Variants in CEMIP observed in about 807,000 individuals in gnomAD.
CEMIP encodes the protein cell migration-inducing and hyaluronan-binding protein.
CEMIP carries 105 observed loss-of-function variants against 156.9 expected under a neutral mutation model. That is an observed-to-expected ratio of 0.67 (90% CI 0.57 to 0.79). CEMIP has a LOEUF of 0.79. Among genes scored for constraint, CEMIP ranks in the 30% least tolerant of loss-of-function variants. The probability of loss-of-function intolerance (pLI) is 0.00; values close to 1 mark genes in which losing one functional copy is unlikely to be tolerated. For missense variants in CEMIP, 1,457 were observed against 1,769.4 expected, an observed-to-expected ratio of 0.82 and a Z score of 3.17; for synonymous variants, 676 against 668.4, an observed-to-expected ratio of 1.01 and a Z score of -0.17.
chr15:80,932,597 A>G lies in CEMIP; in HGVS notation c.2793+558A>G, dbSNP rs934973940. ...TCCTCCTGTGCATTTCCTTCAGGTT[A>G]TGGATTCCCAGACTTTTCCCTCCTT... On this transcript the variant is annotated intron_variant, in intron 22 of 29. Coordinates refer to ENST00000394685, the MANE Select transcript of CEMIP (RefSeq NM_001293298.2). The surrounding 1 kb of genome is among the most constrained non-coding windows in gnomAD (Gnocchi z 4.5). Among the ~76,000 whole-genome samples, 1 of 152,128 alleles carries G rather than the reference A, an allele frequency of 6.6e-6. No homozygotes were observed.
intron 1 of CEMIP, among the ~76,000 whole-genome samples, chr15:80,818,375 A>C (rs761727011): frequency 5.3e-5 from 8 of 152,244 alleles, no homozygotes; most frequent in Non-Finnish European, 7.3e-5. Context: ...ACATGGCCAT[A>C]GTCTCACTTG....
At chr15:80,793,382 A>T (rs1896132194) in intron 1 of CEMIP, among the ~76,000 whole-genome samples, 1 of 152,160 alleles carries the variant, frequency 6.6e-6, no homozygotes, top group Non-Finnish European at 1.5e-5. Flanking sequence ...TATCAACACG[A>T]GGTTAAGTCT....
chr15:80,882,727 G>C (rs1270457186), intron 6 of CEMIP, among the ~76,000 whole-genome samples: 1 of 151,524 alleles, frequency 6.6e-6, no homozygotes. Flanking sequence ...GAATGTGTAT[G>C]AGTAAAGATA....
intron 12 of CEMIP, chr15:80,897,142 T>C (rs1899259305): frequency 5.6e-6 from 2 of 355,984 alleles, no homozygotes; most frequent in Middle Eastern, 4.2e-4. Flanking sequence ...AATCAGAACT[T>C]AAGAGGTGTT....
chr15:80,912,370 C>A (rs992289078), intron 14 of CEMIP, among the ~76,000 whole-genome samples: 1 of 152,158 alleles, frequency 6.6e-6, no homozygotes, highest in Non-Finnish European at 1.5e-5. Context: ...GGTCTCCCTC[C>A]GGCCTGGGTC....
rs766706208 is a variant in CEMIP at position 80,895,002 on chromosome 15, G to A, written c.1099G>A (p.Asp367Asn). Residue 367 changes from aspartate to asparagine, a missense_variant, in exon 11 of 30, where the codon GAT becomes AAT. Around this residue, in one of 5 missense-constraint regions of CEMIP, gnomAD observed 280 missense variants for 300.3 expected, o/e 0.93. Coordinates refer to ENST00000394685, the MANE Select transcript of CEMIP (RefSeq NM_001293298.2). ...GTGTCATTCCCAGGCCACTACAATG[G>A]ATGGAGTTAACCTCAGCACCGAGGT... ...RPIDIQATTM[D>N]GVNLSTEVVY... The A allele has an allele frequency of 2.4e-5, 39 of 1,614,142 alleles. 1 individual carries two copies. The South Asian group carries it at 4.2e-4, about 17-fold the overall frequency.
chr15:80,780,991 G>A (rs1444349384), intron 1 of CEMIP, among the ~76,000 whole-genome samples: 1 of 152,182 alleles, frequency 6.6e-6, no homozygotes, highest in Non-Finnish European at 1.5e-5. Context: ...AGCTGAGCCG[G>A]CAGTTCTGCA....
At chr15:80,856,418 A>G (rs569554942) in intron 1 of CEMIP, among the ~76,000 whole-genome samples, 160 of 152,352 alleles carry the variant, frequency 1.1e-3, no homozygotes, top group Middle Eastern at 6.8e-3. Flanking sequence ...GGATAGATGG[A>G]TGTGCAATAA....
At chr15:80,814,004 C>A (rs1005873375) in intron 1 of CEMIP, among the ~76,000 whole-genome samples, 5 of 150,166 alleles carry the variant, frequency 3.3e-5, no homozygotes, top group Admixed American at 1.3e-4. Context: ...CTGAGACACC[C>A]TCTCCCATCC....
intron 10 of CEMIP, among the ~76,000 whole-genome samples, chr15:80,892,932 A>G (rs991563861): frequency 6.6e-5 from 10 of 152,254 alleles, no homozygotes; most frequent in Non-Finnish European, 1.5e-4. Flanking sequence ...CACGCCGGTA[A>G]TCCCAGCACT....
rs927077720 is a variant in CEMIP at position 80,828,685 on chromosome 15, G to A, written c.-175-44853G>A. On this transcript the variant is annotated intron_variant, in intron 1 of 29. Coordinates refer to ENST00000394685, the MANE Select transcript of CEMIP (RefSeq NM_001293298.2). ...ACATGGAGTTTTCTAAAAGCAGGGC[G>A]TAGTGGAATTGAATCTTCTAAGAAA... is the stretch of plus-strand genomic sequence containing the variant. Among the ~76,000 whole-genome samples, 4 of 152,304 alleles carry A rather than the reference G, an allele frequency of 2.6e-5. No individual in the cohort carries two copies. In the South Asian group the frequency reaches 6.2e-4, roughly 24 times the overall value.
In CEMIP at chr15:80,809,338, G is replaced by T. The variant is rs527886354; in HGVS notation, c.-176+29724G>T. On this transcript the variant is annotated intron_variant, in intron 1 of 29. Transcript: ENST00000394685. Reference sequence around the variant, plus strand: ...CGTAGCTATTTAAAATCTTGCAAAAGAATGTTTATTTATATGGGAAAATGT... The same window carrying T: ...CGTAGCTATTTAAAATCTTGCAAAATAATGTTTATTTATATGGGAAAATGT... Among the ~76,000 whole-genome samples the T allele has an allele frequency of 2.0e-5, 3 of 152,318 alleles. No individual in the cohort carries two copies. The East Asian group carries it at 5.8e-4, about 29-fold the overall frequency.
rs1596210136 is a variant in CEMIP at position 80,941,886 on chromosome 15, G to C, written c.3445G>C (p.Glu1149Gln). ...GAAGCTGAAAGCTCAGAACGAGAGA[G>C]AGAAGTTTGCTTTCTGCTCCATGAA... Reference protein sequence around the residue: ...FLKLKAQNEREKFAFCSMKGC... With the variant: ...FLKLKAQNERQKFAFCSMKGC... Residue 1149 changes from glutamate (E) to glutamine (Q), a missense_variant, in exon 26 of 30, where the codon GAG (glutamate) becomes CAG (glutamine). By Grantham distance (29) the Glu-to-Gln change is conservative. Transcript: ENST00000394685. The C allele has an allele frequency of 1.2e-6, 2 of 1,614,074 alleles. No individual in the cohort carries two copies. Among genetic ancestry groups the C allele is most frequent in the Non-Finnish European group, 1.7e-6 (2 of 1,180,030 alleles).
At chr15:80,865,551 C>G (rs1898103100) in intron 1 of CEMIP, among the ~76,000 whole-genome samples, 1 of 152,022 alleles carries the variant, frequency 6.6e-6, no homozygotes, top group South Asian at 2.1e-4. Flanking sequence ...TGATTCATGG[C>G]TACTGTACTG....
intron 1 of CEMIP, among the ~76,000 whole-genome samples, chr15:80,828,482 A>T (rs983415719): frequency 6.6e-6 from 1 of 152,210 alleles, no homozygotes; most frequent in Middle Eastern, 3.2e-3. Context: ...AAGGCAATAC[A>T]CAATTTGAAT....
chr15:80,808,358 A>G (rs1012282289), intron 1 of CEMIP, among the ~76,000 whole-genome samples: 1 of 152,120 alleles, frequency 6.6e-6, no homozygotes, highest in Non-Finnish European at 1.5e-5. Flanking sequence ...TCTGCCCCCC[A>G]CTGCCCCCAC....
rs1252345443 is a variant in CEMIP, at chr15:80,947,046, C to G, written c.3939C>G (p.Asp1313Glu). 5 of 1,613,266 alleles carry G rather than the reference C, an allele frequency of 3.1e-6. No homozygotes were observed. Among genetic ancestry groups the G allele is most frequent in the Middle Eastern group, 1.6e-4 (1 of 6,062 alleles). Residue 1313 changes from aspartate (D) to glutamate (E), a missense_variant, in exon 29 of 30, where the codon GAC (aspartate) becomes GAG (glutamate). Asp to Glu is a conservative substitution (Grantham distance 45). Transcript: ENST00000394685. Reference protein sequence around the residue: ...WTRVLEKLGADRGLKLKEQMA... With the variant: ...WTRVLEKLGAERGLKLKEQMA... ...GAGTGCTGGAAAAGCTTGGGGCAGACAGGGGTCTCAAGTTGAAAGGTAAGG... is the reference window on the plus strand; with the variant it reads ...GAGTGCTGGAAAAGCTTGGGGCAGAGAGGGGTCTCAAGTTGAAAGGTAAGG...
At chr15:80,848,011 C>T (rs1309760186) in intron 1 of CEMIP, among the ~76,000 whole-genome samples, 1 of 152,198 alleles carries the variant, frequency 6.6e-6, no homozygotes, top group East Asian at 1.9e-4. Flanking sequence ...ACAAAGAGGA[C>T]TTTATCCTCA....
intron 1 of CEMIP, among the ~76,000 whole-genome samples, chr15:80,783,638 G>A (rs966030158): frequency 6.6e-6 from 1 of 152,192 alleles, no homozygotes; most frequent in Admixed American, 6.5e-5. Flanking sequence ...CTGGCATGTA[G>A]AAACTTTGCT....
Sources: allele counts gnomAD v4.1 joint callset (sites outside exome capture counted in the v4.1 genomes callset), GRCh38; gene constraint gnomAD v4.1.1; regional missense constraint gnomAD v4.1.1; non-coding constraint Gnocchi (gnomAD v3.1); transcripts MANE v1.5; gene names NCBI Gene and HGNC (gene_info 2026-07-23, HGNC 2026-07-21).